Variants in DIAPH2 observed in about 807,000 individuals in gnomAD.
DIAPH2 encodes protein diaphanous homolog 2.
Under a neutral mutation model 92.7 loss-of-function variants are expected in DIAPH2, and 35 were observed. That is an observed-to-expected ratio of 0.38 (90% CI 0.29 to 0.50). The LOEUF (loss-of-function observed/expected upper bound fraction) is 0.50. DIAPH2 is among the 20% of genes least tolerant of loss of function. DIAPH2 has a pLI of 0.94. For synonymous variants in DIAPH2, 301 were observed against 280.4 expected, an observed-to-expected ratio of 1.07 and a Z score of -0.73; for missense variants, 701 against 819.5, an observed-to-expected ratio of 0.86 and a Z score of 1.77.
chrX:97,403,167 G>C (rs1018341412), intron 25 of DIAPH2, among the ~76,000 whole-genome samples: 1 of 111,875 alleles, frequency 8.9e-6, no homozygotes, highest in Non-Finnish European at 1.9e-5. Flanking sequence ...AGCAAAATGT[G>C]CACCACTTTG....
chrX:96,967,443 G>A (rs763110218), intron 17 of DIAPH2, among the ~76,000 whole-genome samples: 1 of 102,963 alleles, frequency 9.7e-6, no homozygotes, highest in Non-Finnish European at 2.0e-5. Flanking sequence ...TTTTGAGACA[G>A]AGTTTCGGTC....
intron 26 of DIAPH2, among the ~76,000 whole-genome samples, chrX:97,447,938 A>G (rs1337427779): frequency 8.9e-6 from 1 of 112,221 alleles, no homozygotes; most frequent in Non-Finnish European, 1.9e-5. Flanking sequence ...CAATTTAAAT[A>G]TCACGCTATT....
At chrX:97,222,475 A>T (rs2067933828) in intron 22 of DIAPH2, among the ~76,000 whole-genome samples, 1 of 111,928 alleles carries the variant, frequency 8.9e-6, no homozygotes, top group African/African-American at 3.3e-5. Context: ...AAGTGCTGGG[A>T]TTACAGGCAT....
At chrX:97,160,030 C>G (rs1413960630) in intron 22 of DIAPH2, among the ~76,000 whole-genome samples, 1 of 96,045 alleles carries the variant, frequency 1.0e-5, no homozygotes, top group Non-Finnish European at 2.0e-5. Context: ...GAGGAATTCT[C>G]AAGCCTTGAA....
rs767102627 is a variant in DIAPH2 at position 96,820,375 on chromosome X, T to TG, written c.448-61198dup. Among the ~76,000 whole-genome samples, 307 of 110,481 alleles carry TG rather than the reference T, an allele frequency of 2.8e-3. 2 individuals are homozygous for TG. The highest frequency in any genetic ancestry group is 9.8e-3 in the African/African-American group (296 of 30,351). ...GTCCCAGCTACTTGGGGGACCGAGG[T>TG]GGGGGGATTGCTTGAGCTAGGGAGG... is the stretch of plus-strand genomic sequence containing the variant. On this transcript the variant is annotated intron_variant, in intron 4 of 26. Coordinates refer to ENST00000324765, the MANE Select transcript of DIAPH2 (RefSeq NM_006729.5).
chrX:96,962,488 C>CATATATATATACATATATATATAT (rs1386129164), intron 16 of DIAPH2, among the ~76,000 whole-genome samples: 2 of 27,038 alleles, frequency 7.4e-5, no homozygotes, highest in Non-Finnish European at 1.3e-4. Flanking sequence ...TACACACACA[C>CATATATATATACATATATATATAT]ACACACACAT....
chrX:97,392,821 C>G (rs1246192648), intron 25 of DIAPH2, among the ~76,000 whole-genome samples: 1 of 111,891 alleles, frequency 8.9e-6, no homozygotes, highest in Non-Finnish European at 1.9e-5. Flanking sequence ...TTCTGTAAAA[C>G]CAGAGACTGG....
At chrX:97,108,030 G>A (rs1017785222) in intron 20 of DIAPH2, among the ~76,000 whole-genome samples, 2 of 105,852 alleles carry the variant, frequency 1.9e-5, no homozygotes, top group South Asian at 8.7e-4. Flanking sequence ...TCGTAGGTTA[G>A]TTGGGTAGTA....
chrX:97,011,446 G>T (rs1285754220), intron 17 of DIAPH2, among the ~76,000 whole-genome samples: 12 of 112,059 alleles, frequency 1.1e-4, no homozygotes, highest in Admixed American at 9.5e-4. Flanking sequence ...AGAAACTGGT[G>T]TGCAGATGAA....
At chrX:97,271,789 AG>A (rs1286583376) in intron 23 of DIAPH2, among the ~76,000 whole-genome samples, 1 of 100,354 alleles carries the variant, frequency 1.0e-5, no homozygotes, top group Non-Finnish European at 2.0e-5. Flanking sequence ...CTTTTTGAGG[AG>A]ATTGCAATGA....
At chrX:96,691,439 T>C (rs1391093021) in intron 1 of DIAPH2, among the ~76,000 whole-genome samples, 2 of 112,380 alleles carry the variant, frequency 1.8e-5, no homozygotes, top group Admixed American at 1.9e-4. Flanking sequence ...TATTTTCACA[T>C]AGCTATTTAT....
chrX:96,941,611 A>G (rs972593273), intron 12 of DIAPH2, among the ~76,000 whole-genome samples: 10 of 111,721 alleles, frequency 9.0e-5, no homozygotes, highest in African/African-American at 3.2e-4. Context: ...ACGTAATGTG[A>G]AGAAACTCAT....
chrX:97,116,879 C>T (rs1362033773), intron 21 of DIAPH2, among the ~76,000 whole-genome samples: 1 of 111,575 alleles, frequency 9.0e-6, no homozygotes, highest in Non-Finnish European at 1.9e-5. Flanking sequence ...TTTACAGTTA[C>T]ATCTTATATT....
chrX:96,965,043 T>G, intron 16 of DIAPH2, 50 bp from the exon 17 acceptor site: 3 of 1,112,536 alleles, frequency 2.7e-6, no homozygotes, highest in Non-Finnish European at 3.6e-6. Flanking sequence ...CTTGAAAATT[T>G]AAATATGAGG....
At chrX:97,274,423 G>C (rs1429105535) in intron 23 of DIAPH2, among the ~76,000 whole-genome samples, 1 of 108,064 alleles carries the variant, frequency 9.3e-6, no homozygotes, top group African/African-American at 3.4e-5. Flanking sequence ...CAGGAGAATT[G>C]CTTGAACCTG....
chrX:97,162,406 T>C (rs1313316912), intron 22 of DIAPH2, among the ~76,000 whole-genome samples: 1 of 112,171 alleles, frequency 8.9e-6, no homozygotes, highest in Non-Finnish European at 1.9e-5. Context: ...AAATGAGTGA[T>C]GAATGAGTTT....
Position 96,952,721 on chromosome X carries a change from G to C in DIAPH2, c.1614+3682G>C, listed in dbSNP as rs780521049. Among the ~76,000 whole-genome samples, 3 of 109,950 alleles carry C rather than the reference G, an allele frequency of 2.7e-5. No individual in the cohort carries two copies. In the South Asian group the frequency reaches 1.2e-3, roughly 43 times the overall value. ...CTGCACTCCAGCCTGGGCAACAAGA[G>C]CAAAACTCTGTCTCAAAAATAAAAT... On this transcript the variant is annotated intron_variant, in intron 15 of 26. Coordinates refer to ENST00000324765, the MANE Select transcript of DIAPH2 (RefSeq NM_006729.5).
intron 22 of DIAPH2, among the ~76,000 whole-genome samples, chrX:97,202,470 T>A (rs1221202145): frequency 3.1e-4 from 35 of 111,284 alleles, no homozygotes; most frequent in Middle Eastern, 9.3e-3. Context: ...GGAGGAGTAT[T>A]TACCAAGTAA....
chrX:96,966,288 T>G (rs1307998694), intron 17 of DIAPH2, among the ~76,000 whole-genome samples: 1 of 111,868 alleles, frequency 8.9e-6, no homozygotes, highest in Non-Finnish European at 1.9e-5. Flanking sequence ...ACCTCACATT[T>G]AAAGAATTTT....
Sources: gnomAD v4.1 joint callset for allele counts (sites outside exome capture counted in the v4.1 genomes callset) on GRCh38, gnomAD v4.1.1 for gene constraint, MANE v1.5 for transcripts, NCBI Gene and HGNC (gene_info 2026-07-23, HGNC 2026-07-21) for gene names.